The following GRIN2A variants were observed in gnomAD, a reference collection of about 807,000 sequenced individuals.
GRIN2A encodes the protein glutamate ionotropic receptor NMDA type subunit 2A.
A neutral mutation model predicts 113.4 loss-of-function variants in GRIN2A; 22 were observed. That is an observed-to-expected ratio of 0.19 (90% confidence interval 0.14 to 0.28). The LOEUF (loss-of-function observed/expected upper bound fraction) is 0.28, where lower values mean the gene tolerates loss of function less well. GRIN2A is among the 10% of genes least tolerant of loss of function. GRIN2A has a pLI of 1.00. For missense variants in GRIN2A, 1,502 were observed against 1,887.0 expected (o/e 0.80, Z 3.78); for synonymous variants, 827 against 738.4 (o/e 1.12, Z -1.94).
intron 2 of GRIN2A, among the ~76,000 whole-genome samples, chr16:10,131,674 A>G (rs2049067374): frequency 6.6e-6 from 1 of 152,148 alleles, no homozygotes; most frequent in Non-Finnish European, 1.5e-5. Flanking sequence ...CCTGGGAGAC[A>G]TGGCTTTTGA....
intron 9 of GRIN2A, among the ~76,000 whole-genome samples, chr16:9,825,989 AAAGAG>A (rs2042381017): frequency 6.7e-6 from 1 of 148,698 alleles, no homozygotes; most frequent in Non-Finnish European, 1.5e-5. Flanking sequence ...GAAGGGAGAC[AAAGAG>A]AAGGAGAGGG....
At chr16:10,018,167 C>T (rs564457138) in intron 2 of GRIN2A, among the ~76,000 whole-genome samples, 4 of 152,202 alleles carry the variant, frequency 2.6e-5, no homozygotes, top group South Asian at 2.1e-4. Context: ...TAAAAGGAGA[C>T]GTGATCAGAA....
intron 4 of GRIN2A, among the ~76,000 whole-genome samples, chr16:9,883,262 G>A (rs2043520113): frequency 1.3e-5 from 2 of 152,140 alleles, no homozygotes; most frequent in South Asian, 2.1e-4. Flanking sequence ...AGCTGAAGTC[G>A]TCGATACCAA....
At chr16:10,141,122 AG>A (rs2049317783) in intron 2 of GRIN2A, among the ~76,000 whole-genome samples, 1 of 151,846 alleles carries the variant, frequency 6.6e-6, no homozygotes, top group South Asian at 2.1e-4. Flanking sequence ...TGAACCCCGG[AG>A]GGTGAGGCTG....
chr16:10,077,858 G>A (rs113409499), intron 2 of GRIN2A, among the ~76,000 whole-genome samples: 1 of 151,680 alleles, frequency 6.6e-6, no homozygotes, highest in Non-Finnish European at 1.5e-5. Flanking sequence ...CATTTTTTTT[G>A]GTGATACCTT....
intron 2 of GRIN2A, among the ~76,000 whole-genome samples, chr16:10,056,984 C>A (rs1037967914): frequency 5.3e-5 from 8 of 152,036 alleles, no homozygotes; most frequent in Admixed American, 3.9e-4. Context: ...AGCCAGTAAT[C>A]TTCTCAACTA....
At chr16:9,895,531 T>C (rs2043788669) in intron 3 of GRIN2A, among the ~76,000 whole-genome samples, 2 of 152,120 alleles carry the variant, frequency 1.3e-5, no homozygotes. Context: ...AAATGCAAGT[T>C]TGTAAGAGGC....
rs371304256 is a variant in GRIN2A, at chr16:9,793,065, T to C, written c.2356+5212A>G. Among the ~76,000 whole-genome samples the C allele has an allele frequency of 5.9e-5, 9 of 152,348 alleles. No individual in the cohort carries two copies. In the East Asian group the frequency reaches 1.5e-3, roughly 26 times the overall value. Reference sequence around the variant, plus strand: ...AAGATCCTCACGTGATTCTTGCTCATGGTAAAGCTGAATGAGCTCTGCTGC... The same window carrying C: ...AAGATCCTCACGTGATTCTTGCTCACGGTAAAGCTGAATGAGCTCTGCTGC... On this transcript the variant is annotated intron_variant, in intron 11 of 12. Coordinates refer to ENST00000330684, the MANE Select transcript of GRIN2A (RefSeq NM_001134407.3).
At chr16:9,808,204 C>T (rs548349355) in intron 10 of GRIN2A, among the ~76,000 whole-genome samples, 100 of 152,264 alleles carry the variant, frequency 6.6e-4, no homozygotes, top group African/African-American at 2.2e-3. Context: ...CACTCTTTGC[C>T]GGAATATCTC....
At chr16:10,165,437 T>C (rs1355978302) in intron 2 of GRIN2A, among the ~76,000 whole-genome samples, 1 of 150,008 alleles carries the variant, frequency 6.7e-6, no homozygotes, top group African/African-American at 2.4e-5. Flanking sequence ...AATACATATG[T>C]ATAGATTACT....
intron 2 of GRIN2A, among the ~76,000 whole-genome samples, chr16:10,000,981 C>A (rs1309288548): frequency 6.6e-6 from 1 of 152,114 alleles, no homozygotes; most frequent in African/African-American, 2.4e-5. Context: ...GACTCTCCAT[C>A]CCTGAGACCC....
chr16:10,041,421 T>G (rs528074118), intron 2 of GRIN2A, among the ~76,000 whole-genome samples: 14 of 152,226 alleles, frequency 9.2e-5, no homozygotes, highest in Non-Finnish European at 1.9e-4. Flanking sequence ...CATTCTGCTG[T>G]ACCTACTCCC....
chr16:10,086,636 G>GA (rs1555477120), intron 2 of GRIN2A, among the ~76,000 whole-genome samples: 4 of 146,870 alleles, frequency 2.7e-5, no homozygotes, highest in African/African-American at 7.5e-5. Flanking sequence ...AGGAAACAGA[G>GA]AAAAAAATAT....
intron 2 of GRIN2A, among the ~76,000 whole-genome samples, chr16:10,142,476 C>G (rs970008109): frequency 1.3e-5 from 2 of 152,138 alleles, no homozygotes; most frequent in Non-Finnish European, 2.9e-5. Context: ...GCAGGAGGAT[C>G]AAGGCCACAA....
chr16:10,160,298 G>T (rs190918091), intron 2 of GRIN2A, among the ~76,000 whole-genome samples: 2 of 152,280 alleles, frequency 1.3e-5, no homozygotes, highest in Non-Finnish European at 2.9e-5. Context: ...AATACAAGCG[G>T]GATATGGTCT....
chr16:10,111,590 T>A, intron 2 of GRIN2A: 1 of 1,003,840 alleles, frequency 1.0e-6, no homozygotes. Context: ...TCTTCCCCTA[T>A]GGACACTGAG....
At chr16:10,133,410 C>G (rs1178344071) in intron 2 of GRIN2A, among the ~76,000 whole-genome samples, 1 of 152,198 alleles carries the variant, frequency 6.6e-6, no homozygotes, top group African/African-American at 2.4e-5. Context: ...GAGTTCGAGA[C>G]CAGCCTGGCC....
In GRIN2A at chr16:9,756,428, T is replaced by A. The variant is rs1332714073; in HGVS notation, c.*6721A>T. 1 of 230,268 alleles carries A rather than the reference T, an allele frequency of 4.3e-6. No individual in the cohort carries two copies. Among genetic ancestry groups the A allele is most frequent in the African/African-American group, 2.2e-5 (1 of 45,158 alleles). The allele number at this position is 230,268 out of a possible 1,614,324, so 14.3% of individuals were successfully genotyped here. A position where few individuals can be genotyped will look rare whatever the true frequency, so the allele number is the denominator to read the frequency against. ...AATGAGGGGTAAGACCCTAACAGAC[T>A]TCCCTGTCACAGAGGCTGATACTCA... On this transcript the variant is annotated 3_prime_UTR_variant, in exon 13 of 13. Transcript: ENST00000330684.
intron 2 of GRIN2A, among the ~76,000 whole-genome samples, chr16:10,127,013 C>G (rs1485504150): frequency 6.6e-6 from 1 of 152,186 alleles, no homozygotes; most frequent in Non-Finnish European, 1.5e-5. Flanking sequence ...TGCTCACACG[C>G]TTGCCCTATC....
Sources: gnomAD v4.1 joint callset for allele counts (sites outside exome capture counted in the v4.1 genomes callset) on GRCh38, gnomAD v4.1.1 for gene constraint, MANE v1.5 for transcripts, NCBI Gene and HGNC (gene_info 2026-07-23, HGNC 2026-07-21) for gene names.